The following ARMH3 variants were observed in gnomAD, a reference collection of about 807,000 sequenced individuals.
The protein encoded by ARMH3 is armadillo-like helical domain-containing protein 3.
A neutral mutation model predicts 99.1 loss-of-function variants in ARMH3; 60 were observed. The ratio of observed to expected loss-of-function variants is 0.61; its 90% CI spans 0.49 to 0.75. ARMH3 has a LOEUF of 0.75. Ranked by LOEUF, ARMH3 falls within the 30% of genes least tolerant of loss-of-function variation. The pLI is 0.00. For synonymous variants in ARMH3, 285 were observed against 292.8 expected (o/e 0.97, Z 0.27); for missense variants, 679 against 843.1 (o/e 0.81, Z 2.41).
At chr10:101,897,169 A>G (rs2067858184) in intron 23 of ARMH3, among the ~76,000 whole-genome samples, 1 of 152,206 alleles carries the variant, frequency 6.6e-6, no homozygotes, top group Admixed American at 6.5e-5. Context: ...AGGCCCAAGG[A>G]AGGGGAAAGG....
chr10:101,845,661 C>T lies in ARMH3; in HGVS notation c.*1867G>A, dbSNP rs550. 11,938 of 152,290 alleles carry T rather than the reference C, an allele frequency of 0.078. 604 individuals carry two copies. Among genetic ancestry groups the T allele is most frequent in the East Asian group, 0.15 (797 of 5,182 alleles). 9.4% of individuals were successfully genotyped at this position (152,290 alleles called of 1,614,324 possible). A position where few individuals can be genotyped will look rare whatever the true frequency, so the allele number is the denominator to read the frequency against. ...TTGCCACCAGCTCCAAATCCAGCTG[C>T]CTTGGGGATTTATCACCAGGGAAAA... On this transcript the variant is annotated 3_prime_UTR_variant, in exon 26 of 26. Transcript: ENST00000370033.
intron 24 of ARMH3, among the ~76,000 whole-genome samples, chr10:101,888,363 C>T (rs2067603199): frequency 6.6e-6 from 1 of 152,122 alleles, no homozygotes; most frequent in South Asian, 2.1e-4. Context: ...CACAGCTGGG[C>T]TCACAAAAGA....
At chr10:101,926,158 T>C (rs1843499991) in intron 23 of ARMH3, among the ~76,000 whole-genome samples, 1 of 152,198 alleles carries the variant, frequency 6.6e-6, no homozygotes, top group African/African-American at 2.4e-5. Context: ...TTAGCCATTC[T>C]GATATAAACC....
chr10:101,849,916 A>G (rs751165334), intron 24 of ARMH3, 24 bp from the exon 25 acceptor site: 3 of 1,604,860 alleles, frequency 1.9e-6, no homozygotes, highest in Admixed American at 1.7e-5. Context: ...AGGGCCAGGC[A>G]GGGCTTAGGC....
intron 8 of ARMH3, among the ~76,000 whole-genome samples, chr10:102,022,634 G>A (rs1009977406): frequency 2.7e-5 from 4 of 149,240 alleles, no homozygotes; most frequent in African/African-American, 9.8e-5. Flanking sequence ...AGGCTGGAGT[G>A]CAGTGGTGCA....
intron 24 of ARMH3, among the ~76,000 whole-genome samples, chr10:101,864,385 A>G (rs2066950033): frequency 1.3e-5 from 2 of 152,216 alleles, no homozygotes; most frequent in South Asian, 4.1e-4. Context: ...CAGCCATCCC[A>G]TTACTGGGTA....
chr10:101,872,801 T>C (rs904249501), intron 24 of ARMH3, among the ~76,000 whole-genome samples: 5 of 151,476 alleles, frequency 3.3e-5, no homozygotes, highest in Admixed American at 2.6e-4. Flanking sequence ...CTACTAAAAA[T>C]ACAAAAATTA....
At chr10:101,958,622 A>G (rs1217991165) in intron 20 of ARMH3, among the ~76,000 whole-genome samples, 1 of 152,106 alleles carries the variant, frequency 6.6e-6, no homozygotes. Context: ...AGCTGCAGGC[A>G]ATCTGTGGTC....
At chr10:101,890,928 G>A (rs984455596) in intron 23 of ARMH3, among the ~76,000 whole-genome samples, 3 of 148,522 alleles carry the variant, frequency 2.0e-5, no homozygotes, top group Non-Finnish European at 4.4e-5. Context: ...AGGCTGGAGT[G>A]CAGTGGCACA....
intron 8 of ARMH3, among the ~76,000 whole-genome samples, chr10:102,018,518 G>C (rs976378845): frequency 6.6e-6 from 1 of 152,178 alleles, no homozygotes; most frequent in Non-Finnish European, 1.5e-5. Flanking sequence ...GGTCCCATGA[G>C]ATTATAATGG....
chr10:101,939,133 G>A (rs1844124882), intron 23 of ARMH3, among the ~76,000 whole-genome samples: 1 of 152,174 alleles, frequency 6.6e-6, no homozygotes, highest in Admixed American at 6.5e-5. Flanking sequence ...TTCCCCATCT[G>A]TTGGGTTTGC....
At chr10:101,881,174 T>C (rs1284037759) in intron 24 of ARMH3, among the ~76,000 whole-genome samples, 1 of 152,134 alleles carries the variant, frequency 6.6e-6, no homozygotes, top group African/African-American at 2.4e-5. Context: ...GAATCCAAAA[T>C]CCAAAGCCCT....
At chr10:101,910,109 T>C (rs1842804501) in intron 23 of ARMH3, among the ~76,000 whole-genome samples, 1 of 152,196 alleles carries the variant, frequency 6.6e-6, no homozygotes, top group Non-Finnish European at 1.5e-5. Flanking sequence ...GATGCGGCCC[T>C]GGCAAGTCAA....
intron 8 of ARMH3, among the ~76,000 whole-genome samples, chr10:102,023,187 C>CAAAAAAA (rs57196032): frequency 7.8e-6 from 1 of 128,834 alleles, no homozygotes; most frequent in African/African-American, 2.8e-5. Context: ...AAATCCGTCT[C>CAAAAAAA]AAAAAAAAAA....
intron 23 of ARMH3, among the ~76,000 whole-genome samples, chr10:101,922,622 C>T (rs1843348132): frequency 6.6e-6 from 1 of 151,702 alleles, no homozygotes; most frequent in African/African-American, 2.4e-5. Context: ...TATATATATT[C>T]ATTAATAGAA....
intron 1 of ARMH3, among the ~76,000 whole-genome samples, chr10:102,051,078 C>T (rs1419515934): frequency 2.7e-5 from 4 of 149,934 alleles, no homozygotes; most frequent in African/African-American, 7.4e-5. Context: ...CACTTGAACC[C>T]GGGAGAGGGA....
intron 1 of ARMH3, among the ~76,000 whole-genome samples, chr10:102,054,768 G>A (rs1235510593): frequency 6.6e-6 from 1 of 152,040 alleles, no homozygotes; most frequent in Non-Finnish European, 1.5e-5. Flanking sequence ...GATCGAGGTG[G>A]GTGAATCATC....
chr10:101,863,457 G>A (rs1481186949), intron 24 of ARMH3, among the ~76,000 whole-genome samples: 1 of 152,114 alleles, frequency 6.6e-6, no homozygotes, highest in African/African-American at 2.4e-5. Context: ...CAAGTTGAAG[G>A]TTTCCATACT....
intron 8 of ARMH3, among the ~76,000 whole-genome samples, chr10:102,022,148 C>T (rs1174983405): frequency 2.0e-5 from 3 of 152,156 alleles, no homozygotes; most frequent in African/African-American, 4.8e-5. Context: ...TGTATAAAGA[C>T]GCTCTCTCAT....
Sources: gnomAD v4.1 joint callset for allele counts (sites outside exome capture counted in the v4.1 genomes callset) on GRCh38, gnomAD v4.1.1 for gene constraint, MANE v1.5 for transcripts, NCBI Gene and HGNC (gene_info 2026-07-23, HGNC 2026-07-21) for gene names.